The following COG5 variants were observed in gnomAD, a reference collection of about 807,000 sequenced individuals.
COG5 encodes the protein component of oligomeric golgi complex 5.
A neutral mutation model predicts 110.4 loss-of-function variants in COG5; 86 were observed. That is an observed-to-expected ratio of 0.78 (90% CI 0.65 to 0.93). The LOEUF is 0.93. Among genes scored for constraint, COG5 ranks in the 40% least tolerant of loss-of-function variants. The pLI is 0.00. For missense variants in COG5, 1,077 were observed against 987.0 expected (o/e 1.09, Z -1.22); for synonymous variants, 360 against 334.6 (o/e 1.08, Z -0.83).
chr7:107,334,001 C>T lies in COG5; in HGVS notation c.1027-9480G>A, dbSNP rs183239707. Reference sequence around the variant, plus strand: ...TTTCTCTCTCTTGGGGTCAATATTGCCCCCAGTTAAGAATGCATGGTTTAC... The same window carrying T: ...TTTCTCTCTCTTGGGGTCAATATTGTCCCCAGTTAAGAATGCATGGTTTAC... On this transcript the variant is annotated intron_variant, in intron 10 of 21. Coordinates refer to ENST00000297135, the MANE Select transcript of COG5 (RefSeq NM_006348.5). Among the ~76,000 whole-genome samples the T allele has an allele frequency of 2.6e-3, 394 of 152,042 alleles. 1 individual carries two copies. The highest frequency in any genetic ancestry group is 3.9e-3 in the Non-Finnish European group (267 of 67,944).
chr7:107,353,424 C>CAAAAAAAAAAAAAA (rs1169669994), intron 10 of COG5, among the ~76,000 whole-genome samples: 1 of 84,124 alleles, frequency 1.2e-5, no homozygotes, highest in Non-Finnish European at 2.5e-5. Context: ...GACTCCGTCT[C>CAAAAAAAAAAAAAA]AAAAAAAAAA....
At chr7:107,342,605 G>A (rs540294743) in intron 10 of COG5, among the ~76,000 whole-genome samples, 2 of 151,978 alleles carry the variant, frequency 1.3e-5, no homozygotes, top group Admixed American at 6.5e-5. Flanking sequence ...TTGAACCTGG[G>A]AAGTACAGAT....
At chr7:107,513,916 G>T (rs1448085666) in intron 6 of COG5, among the ~76,000 whole-genome samples, 2 of 151,108 alleles carry the variant, frequency 1.3e-5, no homozygotes, top group Non-Finnish European at 2.9e-5. Flanking sequence ...GGGAAGAGGG[G>T]AGGGAAAGCA....
chr7:107,339,529 T>C (rs1811006642), intron 10 of COG5, among the ~76,000 whole-genome samples: 2 of 152,022 alleles, frequency 1.3e-5, no homozygotes, highest in African/African-American at 2.4e-5. Flanking sequence ...CTGGACCTAA[T>C]AGATATCTAC....
chr7:107,467,693 C>T (rs1224958637), intron 6 of COG5, among the ~76,000 whole-genome samples: 1 of 152,106 alleles, frequency 6.6e-6, no homozygotes, highest in Non-Finnish European at 1.5e-5. Flanking sequence ...ATCTGATTCT[C>T]AATCAGTAGT....
intron 19 of COG5, among the ~76,000 whole-genome samples, chr7:107,229,846 TTTTTTTTTTTTG>T (rs1339966253): frequency 1.4e-5 from 2 of 142,046 alleles, no homozygotes; most frequent in Non-Finnish European, 3.1e-5. Flanking sequence ...TTGGTTTTTG[TTTTTTTTTTTTG>T]TTTTTTTTTT....
At chr7:107,230,153 G>T (rs924753871) in intron 19 of COG5, among the ~76,000 whole-genome samples, 1 of 151,938 alleles carries the variant, frequency 6.6e-6, no homozygotes, top group South Asian at 2.1e-4. Flanking sequence ...GCTCAGCCAT[G>T]AACTTGATTC....
intron 11 of COG5, among the ~76,000 whole-genome samples, chr7:107,323,335 C>G (rs1198089009): frequency 2.6e-5 from 4 of 152,094 alleles, no homozygotes; most frequent in African/African-American, 7.2e-5. Context: ...TCGAGACCAG[C>G]CTGACCAACA....
chr7:107,284,391 C>T (rs1436645910), intron 12 of COG5, among the ~76,000 whole-genome samples: 2 of 152,118 alleles, frequency 1.3e-5, no homozygotes, highest in Admixed American at 6.5e-5. Flanking sequence ...ATAGAGTTAT[C>T]GAAGCATATG....
intron 12 of COG5, among the ~76,000 whole-genome samples, chr7:107,291,023 G>C (rs185667064): frequency 6.6e-6 from 1 of 152,240 alleles, no homozygotes; most frequent in Non-Finnish European, 1.5e-5. Context: ...TTACCACGAT[G>C]TATCTGTTTG....
intron 6 of COG5, among the ~76,000 whole-genome samples, chr7:107,451,416 G>A (rs1795332785): frequency 6.6e-6 from 1 of 152,134 alleles, no homozygotes; most frequent in Non-Finnish European, 1.5e-5. Flanking sequence ...TTTATAACAT[G>A]GACCCTTCCA....
At chr7:107,440,210 C>T (rs925020625) in intron 6 of COG5, among the ~76,000 whole-genome samples, 2 of 152,072 alleles carry the variant, frequency 1.3e-5, no homozygotes, top group African/African-American at 4.8e-5. Context: ...GTTGTTGTAT[C>T]GCTAGTGCTT....
chr7:107,279,556 T>A (rs1805000774), intron 14 of COG5, among the ~76,000 whole-genome samples: 1 of 152,142 alleles, frequency 6.6e-6, no homozygotes, highest in Admixed American at 6.5e-5. Context: ...AAAACAGGTA[T>A]AATTTTAGCA....
At chr7:107,435,800 A>G (rs1212456594) in intron 6 of COG5, among the ~76,000 whole-genome samples, 1 of 152,236 alleles carries the variant, frequency 6.6e-6, no homozygotes, top group Non-Finnish European at 1.5e-5. Context: ...TTCTATATAT[A>G]CCAAAAGATA....
intron 6 of COG5, among the ~76,000 whole-genome samples, chr7:107,484,546 T>TC (rs1171173742): frequency 1.3e-5 from 2 of 152,136 alleles, no homozygotes; most frequent in African/African-American, 4.8e-5. Flanking sequence ...TCATGGGCCT[T>TC]ACCATGTCTC....
chr7:107,306,966 C>T (rs896547127), intron 11 of COG5, among the ~76,000 whole-genome samples: 3 of 152,202 alleles, frequency 2.0e-5, no homozygotes, highest in Non-Finnish European at 4.4e-5. Flanking sequence ...TAGCACCTCA[C>T]TTTCTACTGG....
At chr7:107,503,557 G>A (rs1454783340) in intron 6 of COG5, among the ~76,000 whole-genome samples, 1 of 151,992 alleles carries the variant, frequency 6.6e-6, no homozygotes, top group African/African-American at 2.4e-5. Flanking sequence ...GTATTTTGAT[G>A]GGGAATTGCA....
chr7:107,368,192 G>A (rs1449535207), intron 8 of COG5, among the ~76,000 whole-genome samples: 1 of 151,200 alleles, frequency 6.6e-6, no homozygotes, highest in Non-Finnish European at 1.5e-5. Context: ...TAAATTTGGA[G>A]GTATCAATTA....
In COG5 at chr7:107,412,557, C is replaced by T. The variant is rs368331483; in HGVS notation, c.614G>A (p.Arg205Gln). The T allele has an allele frequency of 1.9e-5, 30 of 1,612,002 alleles. No homozygotes were observed. The East Asian group carries it at 3.1e-4, about 17-fold the overall frequency. ...CTTAGCTTGATTTTCCACTTCAAGT[C>T]GGGCTCTTGCAATAAAAAGTAGATC... ...ENDLLFIARA[R>Q]LEVENQAKRL... The change falls in exon 7 of 22, where the codon CGA becomes CAA. Residue 205 changes from arginine (R) to glutamine (Q), a missense_variant. Transcript: ENST00000297135.
Sources: gnomAD v4.1 joint callset for allele counts (sites outside exome capture counted in the v4.1 genomes callset) on GRCh38, gnomAD v4.1.1 for gene constraint, MANE v1.5 for transcripts, NCBI Gene and HGNC (gene_info 2026-07-23, HGNC 2026-07-21) for gene names.